The following CA10 variants were observed in gnomAD, a reference collection of about 807,000 sequenced individuals.
CA10 encodes carbonic anhydrase 10 (inactive).
A neutral mutation model predicts 44.2 loss-of-function variants in CA10; 14 were observed. The ratio of observed to expected loss-of-function variants is 0.32; its 90% CI spans 0.21 to 0.50. CA10 has a LOEUF of 0.50. CA10 is among the 20% of genes least tolerant of loss of function. The probability of loss-of-function intolerance (pLI) is 0.99; values close to 1 mark genes in which losing one functional copy is unlikely to be tolerated. For missense variants in CA10, 350 were observed against 409.7 expected (o/e 0.85, Z 1.26); for synonymous variants, 159 against 141.6 (o/e 1.12, Z -0.87).
At chr17:52,034,979 C>T (rs1323260385) in intron 2 of CA10, among the ~76,000 whole-genome samples, 1 of 152,032 alleles carries the variant, frequency 6.6e-6, no homozygotes, top group Non-Finnish European at 1.5e-5. Flanking sequence ...GGGCTCACAA[C>T]AAAAGAACTG....
intron 1 of CA10, among the ~76,000 whole-genome samples, chr17:52,090,797 A>G (rs982880052): frequency 2.0e-5 from 3 of 152,152 alleles, no homozygotes; most frequent in African/African-American, 7.2e-5. Context: ...ACACCCCTAC[A>G]TGAGATGAAC....
chr17:51,642,949 C>A (rs1301741535), intron 6 of CA10, among the ~76,000 whole-genome samples: 2 of 152,106 alleles, frequency 1.3e-5, no homozygotes, highest in Admixed American at 6.5e-5. Context: ...AGCCACCATA[C>A]CTTTTTAAAT....
chr17:52,061,692 T>A (rs1055669616), intron 2 of CA10, among the ~76,000 whole-genome samples: 3 of 152,154 alleles, frequency 2.0e-5, no homozygotes, highest in African/African-American at 7.2e-5. Context: ...TTCTTCTCTC[T>A]CCTTCCTCCA....
chr17:51,959,146 T>G (rs1336323386), intron 2 of CA10, among the ~76,000 whole-genome samples: 1 of 151,368 alleles, frequency 6.6e-6, no homozygotes, highest in Non-Finnish European at 1.5e-5. Flanking sequence ...AAAGCCCCAG[T>G]CACAAAGCCT....
intron 3 of CA10, among the ~76,000 whole-genome samples, chr17:51,918,795 T>C (rs1342615260): frequency 6.6e-6 from 1 of 152,186 alleles, no homozygotes; most frequent in African/African-American, 2.4e-5. Context: ...TTATTTGCAG[T>C]TTGGATTTTG....
rs1984468061 is a variant in CA10 at position 51,976,515 on chromosome 17, G to A, written c.137-45383C>T. Among the ~76,000 whole-genome samples the A allele has an allele frequency of 2.6e-5, 4 of 151,898 alleles. 1 individual carries two copies. The South Asian group carries it at 8.3e-4, about 31-fold the overall frequency. On this transcript the variant is annotated intron_variant, in intron 2 of 8. Coordinates refer to ENST00000451037, the MANE Select transcript of CA10 (RefSeq NM_020178.5). ...TCTAAAATACTTATGTGTCAGACAA[G>A]GAAGCCCAATGGAAATTTTTAAAAA... is the stretch of plus-strand genomic sequence containing the variant.
intron 1 of CA10, among the ~76,000 whole-genome samples, chr17:52,091,349 C>A (rs1177396353): frequency 1.3e-5 from 2 of 151,826 alleles, no homozygotes; most frequent in Admixed American, 6.6e-5. Flanking sequence ...TGAGCTTCCC[C>A]GAACCAGTGA....
intron 1 of CA10, among the ~76,000 whole-genome samples, chr17:52,124,986 C>T (rs532192363): frequency 6.6e-6 from 1 of 152,324 alleles, no homozygotes; most frequent in East Asian, 1.9e-4. Context: ...CCCTCTGATG[C>T]TATTATCTCT....
chr17:51,888,992 G>A (rs983948638), intron 3 of CA10, among the ~76,000 whole-genome samples: 1 of 152,148 alleles, frequency 6.6e-6, no homozygotes, highest in Non-Finnish European at 1.5e-5. Flanking sequence ...AAGGCTGACA[G>A]TTGCTCTTAG....
At chr17:52,104,441 C>A (rs1359332493) in intron 1 of CA10, among the ~76,000 whole-genome samples, 1 of 152,106 alleles carries the variant, frequency 6.6e-6, no homozygotes, top group Non-Finnish European at 1.5e-5. Context: ...TGAGCTCAAG[C>A]AACCCGCCTG....
intron 2 of CA10, among the ~76,000 whole-genome samples, chr17:52,034,577 C>G (rs1027717240): frequency 5.3e-5 from 8 of 152,030 alleles, no homozygotes; most frequent in African/African-American, 1.7e-4. Flanking sequence ...GGAGTCCCCT[C>G]TATTTTATGG....
chr17:51,724,857 T>A lies in CA10; in HGVS notation c.465+22776A>T, dbSNP rs1232492951. Among the ~76,000 whole-genome samples, 4 of 152,166 alleles carry A rather than the reference T, an allele frequency of 2.6e-5. No individual in the cohort carries two copies. The East Asian group carries it at 7.7e-4, about 29-fold the overall frequency. On this transcript the variant is annotated intron_variant, in intron 4 of 8. Transcript: ENST00000451037. ...GCTTCCCCAGGGCGCAGCACATTGG[T>A]GTGAGTCTACTGGCCGCTCAGTAAA...
chr17:52,101,746 C>T (rs1364179462), intron 1 of CA10, among the ~76,000 whole-genome samples: 1 of 152,158 alleles, frequency 6.6e-6, no homozygotes, highest in Non-Finnish European at 1.5e-5. Context: ...TTCAGTGCTA[C>T]CCTCTGGGGT....
At chr17:52,004,897 G>A (rs376961582) in intron 2 of CA10, among the ~76,000 whole-genome samples, 3 of 151,952 alleles carry the variant, frequency 2.0e-5, no homozygotes, top group East Asian at 3.9e-4. Flanking sequence ...TTTAGCCTCT[G>A]AAGAAATTTG....
intron 3 of CA10, among the ~76,000 whole-genome samples, chr17:51,886,703 T>C (rs1482056689): frequency 2.0e-5 from 3 of 152,200 alleles, no homozygotes. Flanking sequence ...AGCATTTGAA[T>C]CAGTAGAACT....
At chr17:51,845,576 A>G (rs1037257084) in intron 3 of CA10, among the ~76,000 whole-genome samples, 12 of 152,220 alleles carry the variant, frequency 7.9e-5, no homozygotes, top group Non-Finnish European at 1.6e-4. Flanking sequence ...TCAATAAACA[A>G]CTAGTACAGT....
chr17:51,668,710 G>C (rs748411915), intron 4 of CA10, among the ~76,000 whole-genome samples: 8 of 152,144 alleles, frequency 5.3e-5, no homozygotes, highest in Non-Finnish European at 1.0e-4. Context: ...TGCACTGTGG[G>C]AGCCCCTCTC....
At chr17:52,009,488 C>T (rs1434106936) in intron 2 of CA10, among the ~76,000 whole-genome samples, 1 of 151,924 alleles carries the variant, frequency 6.6e-6, no homozygotes, top group Non-Finnish European at 1.5e-5. Context: ...ACCTGGAGAG[C>T]AGATGTCCTA....
At chr17:52,054,166 G>A (rs1240254610) in intron 2 of CA10, among the ~76,000 whole-genome samples, 1 of 152,168 alleles carries the variant, frequency 6.6e-6, no homozygotes, top group African/African-American at 2.4e-5. Context: ...GCAAATAGGA[G>A]AAATATCGCT....
Sources: allele counts gnomAD v4.1 joint callset (sites outside exome capture counted in the v4.1 genomes callset), GRCh38; gene constraint gnomAD v4.1.1; transcripts MANE v1.5; gene names NCBI Gene and HGNC (gene_info 2026-07-23, HGNC 2026-07-21).